The following ELFN2 variants were observed in gnomAD, a reference collection of about 807,000 sequenced individuals.
ELFN2 encodes the protein extracellular leucine rich repeat and fibronectin type III domain containing 2, also known as protein phosphatase 1 regulatory subunit 29.
In ELFN2, 17 loss-of-function variants were observed where a neutral mutation model predicts 45.5. That is an observed-to-expected ratio of 0.37 (90% confidence interval 0.26 to 0.56). The LOEUF (loss-of-function observed/expected upper bound fraction) is 0.56. ELFN2 is among the 20% of genes least tolerant of loss of function. The probability of loss-of-function intolerance (pLI) is 0.77; values close to 1 mark genes in which losing one functional copy is unlikely to be tolerated. For synonymous variants in ELFN2, 550 were observed against 551.5 expected, an observed-to-expected ratio of 1.00 and a Z score of 0.04; for missense variants, 922 against 1,183.2, an observed-to-expected ratio of 0.78 and a Z score of 3.24.
intron 1 of ELFN2, chr22:37,426,955 A>G (rs1393669281): frequency 6.6e-6 from 1 of 152,300 alleles, no homozygotes; most frequent in African/African-American, 2.4e-5. Context: ...ATGAGGGCAG[A>G]GAGGTGCAGT....
intron 1 of ELFN2, among the ~76,000 whole-genome samples, chr22:37,361,872 G>A (rs530266225): frequency 1.3e-5 from 2 of 152,168 alleles, no homozygotes; most frequent in Non-Finnish European, 2.9e-5. Context: ...CCCATTCTCC[G>A]GCCCATAGGA....
intron 2 of ELFN2, among the ~76,000 whole-genome samples, chr22:37,406,088 G>A (rs191342888): frequency 5.8e-4 from 88 of 152,226 alleles, no homozygotes; most frequent in Non-Finnish European, 1.0e-3. Flanking sequence ...GCTGCAATGA[G>A]CCACGATTGC....
intron 2 of ELFN2, among the ~76,000 whole-genome samples, chr22:37,378,875 A>G (rs1473691345): frequency 6.6e-6 from 1 of 152,240 alleles, no homozygotes; most frequent in East Asian, 1.9e-4. Context: ...CCAGCTGTTC[A>G]CGCACTCAAG....
intron 1 of ELFN2, among the ~76,000 whole-genome samples, chr22:37,355,658 A>G (rs4821638): frequency 0.36 from 55,354 of 152,002 alleles, 10,278 homozygotes; most frequent in Middle Eastern, 0.45. Flanking sequence ...ACACTCAAGT[A>G]TCAGCTCCTG....
chr22:37,414,323 C>T (rs1175951553), intron 2 of ELFN2, among the ~76,000 whole-genome samples: 1 of 152,090 alleles, frequency 6.6e-6, no homozygotes, highest in East Asian at 1.9e-4. Context: ...GGAGGACTTC[C>T]CTGAGGAGGT....
At chr22:37,407,125 G>C (rs934565615) in intron 2 of ELFN2, among the ~76,000 whole-genome samples, 2 of 152,180 alleles carry the variant, frequency 1.3e-5, no homozygotes, top group African/African-American at 4.8e-5. Context: ...GTGTGTGCTT[G>C]TGTGTGTGCG....
intron 1 of ELFN2, among the ~76,000 whole-genome samples, chr22:37,357,952 C>T (rs574154890): frequency 9.1e-4 from 139 of 152,306 alleles, no homozygotes; most frequent in Non-Finnish European, 1.4e-3. Context: ...TGAAGTCCCA[C>T]AGCCAACCTT....
intron 1 of ELFN2, among the ~76,000 whole-genome samples, chr22:37,356,994 T>A (rs1930965940): frequency 6.6e-6 from 1 of 152,170 alleles, no homozygotes; most frequent in Non-Finnish European, 1.5e-5. Context: ...CATTTATTGC[T>A]TAAGTAAAAT....
chr22:37,383,511 C>T (rs1026009615), intron 2 of ELFN2, among the ~76,000 whole-genome samples: 2 of 152,236 alleles, frequency 1.3e-5, no homozygotes, highest in Non-Finnish European at 2.9e-5. Context: ...TGCTTTGGCA[C>T]CTGCTCCGGG....
chr22:37,382,541 CTTTTTTTTTTT>C (rs1241322092), intron 2 of ELFN2, among the ~76,000 whole-genome samples: 1 of 90,918 alleles, frequency 1.1e-5, no homozygotes, highest in African/African-American at 4.8e-5. Flanking sequence ...CCACGCTGGC[CTTTTTTTTTTT>C]TTTTTTTTTT....
At chr22:37,349,884 GA>G (rs796400611) in intron 1 of ELFN2, among the ~76,000 whole-genome samples, 4 of 151,352 alleles carry the variant, frequency 2.6e-5, no homozygotes, top group African/African-American at 9.6e-5. Flanking sequence ...CCTGGGCACA[GA>G]AGGCCCAAAA....
chr22:37,344,559 T>C (rs928855204), intron 1 of ELFN2, among the ~76,000 whole-genome samples: 1 of 151,632 alleles, frequency 6.6e-6, no homozygotes, highest in Admixed American at 6.6e-5. Context: ...CAGCCTCGAG[T>C]CTTGGGAACA....
intron 1 of ELFN2, among the ~76,000 whole-genome samples, chr22:37,423,730 C>T (rs2145694399): frequency 6.6e-6 from 1 of 152,244 alleles, no homozygotes; most frequent in African/African-American, 2.4e-5. Context: ...CATCGTGCAG[C>T]CAGCACCCTT....
chr22:37,349,301 C>T (rs1414287142), intron 1 of ELFN2, among the ~76,000 whole-genome samples: 1 of 151,186 alleles, frequency 6.6e-6, no homozygotes, highest in African/African-American at 2.4e-5. Flanking sequence ...CTGCCCTGGA[C>T]TCTCCCCACA....
chr22:37,419,901 C>A (rs2145690350), intron 1 of ELFN2, among the ~76,000 whole-genome samples: 1 of 152,248 alleles, frequency 6.6e-6, no homozygotes, highest in Admixed American at 6.5e-5. Context: ...CCCTGCCCAG[C>A]GCGGCCCGCC....
At chr22:37,350,644 AGTACT>A (rs1242799834) in intron 1 of ELFN2, among the ~76,000 whole-genome samples, 1 of 149,942 alleles carries the variant, frequency 6.7e-6, no homozygotes, top group Non-Finnish European at 1.5e-5. Context: ...CAGAGCCCCC[AGTACT>A]GTCATTAGCG....
At chr22:37,408,253 T>C (rs1332800627) in intron 2 of ELFN2, among the ~76,000 whole-genome samples, 2 of 151,954 alleles carry the variant, frequency 1.3e-5, no homozygotes, top group African/African-American at 4.8e-5. Flanking sequence ...ATGAGAGGGG[T>C]GGGGCATCAC....
intron 2 of ELFN2, among the ~76,000 whole-genome samples, chr22:37,410,722 C>T (rs1932626929): frequency 6.6e-6 from 1 of 152,228 alleles, no homozygotes; most frequent in Admixed American, 6.5e-5. Flanking sequence ...TCCCATTCTA[C>T]CACACGAAGC....
intron 1 of ELFN2, among the ~76,000 whole-genome samples, chr22:37,352,792 T>C (rs905266353): frequency 2.0e-5 from 3 of 150,698 alleles, no homozygotes; most frequent in Non-Finnish European, 4.5e-5. Context: ...TGGAAGGAGT[T>C]TGTGATGCAT....
Sources: allele counts gnomAD v4.1 joint callset (sites outside exome capture counted in the v4.1 genomes callset), GRCh38; gene constraint gnomAD v4.1.1; transcripts MANE v1.5; gene names NCBI Gene and HGNC (gene_info 2026-07-23, HGNC 2026-07-21).